LARS1: variants seen among roughly 807,000 people sequenced by gnomAD.
The protein encoded by LARS1 is leucine--tRNA ligase, cytoplasmic.
LARS1 carries 100 observed loss-of-function variants against 162.8 expected under a neutral mutation model. The observed-to-expected ratio is 0.61, with a 90% CI of 0.52 to 0.73. LARS1 has a LOEUF of 0.73. Ranked by LOEUF, LARS1 falls within the 30% of genes least tolerant of loss-of-function variation. The pLI, the probability that LARS1 is intolerant of heterozygous loss-of-function variation, is 0.00. For missense variants in LARS1, 1,258 were observed against 1,408.9 expected (o/e 0.89, Z 1.71); for synonymous variants, 457 against 462.8 (o/e 0.99, Z 0.16).
intron 10 of LARS1, 34 bp downstream of exon 10, chr5:146,157,369 C>A (rs573625063): frequency 9.0e-6 from 14 of 1,549,970 alleles, no homozygotes; most frequent in African/African-American, 1.4e-5. Flanking sequence ...TTGAAATTTA[C>A]GCATTAAAAT....
Position 146,182,453 on chromosome 5 carries a change from C to T in LARS1, c.6+35G>A, listed in dbSNP as rs764089252. 3 of 1,613,792 alleles carry T rather than the reference C, an allele frequency of 1.9e-6. No individual in the cohort carries two copies. The Admixed American group carries it at 5.0e-5, about 27-fold the overall frequency. ...CCCTAGAGACTGGCCAGTCCGGCTC[C>T]AGGGCCCCTGCGGATTCTTCTCGCT... is the stretch of plus-strand genomic sequence containing the variant. On this transcript the variant is annotated intron_variant, in intron 1 of 31. Transcript: ENST00000394434.
At chr5:146,114,734 T>TCAAA (rs754204537) in intron 31 of LARS1, among the ~76,000 whole-genome samples, 84 of 151,372 alleles carry the variant, frequency 5.5e-4, no homozygotes, top group African/African-American at 1.9e-3. Context: ...AGACTCTATC[T>TCAAA]CAAACAAACA....
chr5:146,132,804 T>TAAAAAA, intron 23 of LARS1, 94 bp downstream of exon 23: 4 of 752,524 alleles, frequency 5.3e-6, no homozygotes, highest in Admixed American at 6.1e-5. Flanking sequence ...TTTATTTTAT[T>TAAAAAA]AAAAAAAAAA....
intron 1 of LARS1, among the ~76,000 whole-genome samples, chr5:146,180,523 T>TAAAAATAAAAAA (rs1239100302): frequency 6.6e-6 from 1 of 151,754 alleles, no homozygotes; most frequent in African/African-American, 2.4e-5. Flanking sequence ...AAAATAAAAA[T>TAAAAATAAAAAA]AAAAATAAAA....
intron 31 of LARS1, among the ~76,000 whole-genome samples, chr5:146,114,918 C>A (rs1764132559): frequency 6.6e-6 from 1 of 151,868 alleles, no homozygotes; most frequent in African/African-American, 2.4e-5. Context: ...GTGGTGCATG[C>A]CTGTAGTCCC....
intron 1 of LARS1, among the ~76,000 whole-genome samples, chr5:146,179,034 C>A (rs910563255): frequency 6.6e-6 from 1 of 152,172 alleles, no homozygotes; most frequent in African/African-American, 2.4e-5. Context: ...GAGTTCAAGA[C>A]CAGCCTGGCC....
chr5:146,161,451 G>A (rs569349654), intron 6 of LARS1, among the ~76,000 whole-genome samples: 102 of 152,280 alleles, frequency 6.7e-4, no homozygotes, highest in African/African-American at 2.3e-3. Context: ...GGAGTGGGCC[G>A]GGCATGGTGG....
At chr5:146,165,959 T>C (rs1323585092) in intron 5 of LARS1, among the ~76,000 whole-genome samples, 2 of 145,370 alleles carry the variant, frequency 1.4e-5, no homozygotes, top group Non-Finnish European at 1.6e-5. Context: ...GAGCCAGGGG[T>C]ATCAATATGA....
At chr5:146,148,638 G>A (rs1301162282) in intron 15 of LARS1, among the ~76,000 whole-genome samples, 2 of 152,076 alleles carry the variant, frequency 1.3e-5, no homozygotes, top group African/African-American at 4.8e-5. Flanking sequence ...AATAAATGTG[G>A]GACGTTAGAG....
At chr5:146,177,190 G>A (rs1385430326) in intron 2 of LARS1, among the ~76,000 whole-genome samples, 1 of 152,088 alleles carries the variant, frequency 6.6e-6, no homozygotes, top group Non-Finnish European at 1.5e-5. Context: ...CACAGGGCCG[G>A]GCGTGGTGGC....
intron 2 of LARS1, among the ~76,000 whole-genome samples, chr5:146,173,149 A>C (rs555166924): frequency 1.3e-4 from 20 of 152,192 alleles, no homozygotes; most frequent in African/African-American, 4.3e-4. Context: ...GGAGTTCGAG[A>C]CCAGCCTGGG....
At chr5:146,121,582 CTCA>C (rs1419568856) in intron 30 of LARS1, among the ~76,000 whole-genome samples, 3 of 152,076 alleles carry the variant, frequency 2.0e-5, no homozygotes, top group Non-Finnish European at 2.9e-5. Context: ...AACCCAAATG[CTCA>C]TCAATGATAG....
intron 28 of LARS1, among the ~76,000 whole-genome samples, chr5:146,125,908 G>A (rs924858189): frequency 3.9e-5 from 6 of 151,936 alleles, no homozygotes; most frequent in African/African-American, 1.2e-4. Context: ...GTCATAACTA[G>A]CAGGAAAGGT....
chr5:146,145,853 A>G (rs1211322971), intron 15 of LARS1, among the ~76,000 whole-genome samples: 1 of 152,248 alleles, frequency 6.6e-6, no homozygotes, highest in Non-Finnish European at 1.5e-5. Context: ...AATGGCATGA[A>G]CCTACAAAGT....
intron 15 of LARS1, among the ~76,000 whole-genome samples, 167 bp downstream of exon 15, chr5:146,149,455 G>T (rs1273266450): frequency 6.6e-6 from 1 of 152,126 alleles, no homozygotes; most frequent in Non-Finnish European, 1.5e-5. Flanking sequence ...TTATAGATGG[G>T]ATGTTCAAGT....
chr5:146,168,252 T>C lies in LARS1; in HGVS notation c.308A>G (p.Lys103Arg), dbSNP rs139660336. Residue 103 changes from lysine (K) to arginine (R), a missense_variant, in exon 5 of 32, where the codon AAG (lysine) becomes AGG (arginine). Transcript: ENST00000394434. Reference sequence around the variant, plus strand: ...ATACAGCTCTATTTCTCTTTTCAACTTATCAGCACATGCCTACAACGAATA... The same window carrying C: ...ATACAGCTCTATTTCTCTTTTCAACCTATCAGCACATGCCTACAACGAATA... The part of the protein sequence containing the change: ...TGMPIKACAD[K>R]LKREIELYGC... 1.4e-5 allele frequency: 23 copies of C among 1,611,138 alleles called. No homozygotes were observed. The highest frequency in any genetic ancestry group is 1.9e-5 in the Non-Finnish European group (22 of 1,179,258).
intron 4 of LARS1, among the ~76,000 whole-genome samples, chr5:146,169,032 T>G (rs1044097546): frequency 6.6e-6 from 1 of 151,930 alleles, no homozygotes; most frequent in Non-Finnish European, 1.5e-5. Context: ...AGCTGCACAT[T>G]GTGCACATGT....
Position 146,124,137 on chromosome 5 carries a change from GA to G in LARS1, c.2992-52del, listed in dbSNP as rs773355174. 45 of 1,048,510 alleles carry G rather than the reference GA, an allele frequency of 4.3e-5. No homozygotes were observed. In the African/African-American group the frequency reaches 6.1e-4, roughly 14 times the overall value. The allele number at this position is 1,048,510 out of a possible 1,614,324, so 65.0% of individuals were successfully genotyped here. A position where few individuals can be genotyped will look rare whatever the true frequency, so the allele number is the denominator to read the frequency against. ...ACAAAATCACAGTAAGAATATGTTG[GA>G]AAACATACTTCCTCCAAAGTAATCA... On this transcript the variant is annotated intron_variant, in intron 28 of 31. Transcript: ENST00000394434.
intron 4 of LARS1, among the ~76,000 whole-genome samples, chr5:146,170,891 A>AC (rs1754243127): frequency 6.6e-6 from 1 of 151,780 alleles, no homozygotes; most frequent in Non-Finnish European, 1.5e-5. Context: ...CTCAGAAAAA[A>AC]AAAAAAGAAG....
Sources: gnomAD v4.1 joint callset for allele counts (sites outside exome capture counted in the v4.1 genomes callset) on GRCh38, gnomAD v4.1.1 for gene constraint, MANE v1.5 for transcripts, NCBI Gene and HGNC (gene_info 2026-07-23, HGNC 2026-07-21) for gene names.